Variants in MLIP observed in about 807,000 individuals in gnomAD.
MLIP encodes the protein muscular LMNA-interacting protein.
In MLIP, 79 loss-of-function variants were observed where a neutral mutation model predicts 84.8. That is an observed-to-expected ratio of 0.93 (90% CI 0.78 to 1.12). MLIP has a LOEUF of 1.12. Ranked by LOEUF, MLIP falls within the 50% of genes most tolerant of loss-of-function variation. The pLI, the probability that MLIP is intolerant of heterozygous loss-of-function variation, is 0.00. For missense variants in MLIP, 1,257 were observed against 1,160.6 expected, an observed-to-expected ratio of 1.08 and a Z score of -1.21; for synonymous variants, 504 against 463.0, an observed-to-expected ratio of 1.09 and a Z score of -1.14.
At position 54,253,397 on chromosome 6, in the gene MLIP, G is replaced by A. The variant is rs185489154; in HGVS notation, c.2923-3911G>A. ...AATCCTAAAGAAGTGAATTCTGGATGGAATGTATGGCACCCATGGTGATTT... is the reference window on the plus strand; with the variant it reads ...AATCCTAAAGAAGTGAATTCTGGATAGAATGTATGGCACCCATGGTGATTT... On this transcript the variant is annotated intron_variant, in intron 12 of 13. Transcript: ENST00000502396. Among the ~76,000 whole-genome samples the A allele has an allele frequency of 1.1e-4, 17 of 152,198 alleles. 1 individual carries two copies. The highest frequency in any genetic ancestry group is 6.8e-3 in the Middle Eastern group (2 of 294).
chr6:54,174,571 CTT>C (rs973107536), intron 9 of MLIP, among the ~76,000 whole-genome samples: 1 of 151,896 alleles, frequency 6.6e-6, no homozygotes, highest in Admixed American at 6.6e-5. Context: ...CTATTGAAAT[CTT>C]TTGCCGATTT....
intron 13 of MLIP, among the ~76,000 whole-genome samples, chr6:54,264,523 G>T (rs1783577065): frequency 6.6e-6 from 1 of 152,084 alleles, no homozygotes; most frequent in African/African-American, 2.4e-5. Context: ...GGAATCAAAT[G>T]ATCGTGAAGG....
chr6:54,184,176 A>G (rs1164752594), intron 9 of MLIP, among the ~76,000 whole-genome samples: 2 of 152,170 alleles, frequency 1.3e-5, no homozygotes, highest in Non-Finnish European at 2.9e-5. Context: ...ATCATGGATT[A>G]GAGCTCTTGA....
chr6:54,222,745 A>T (rs1330867866), intron 11 of MLIP, among the ~76,000 whole-genome samples: 5 of 151,996 alleles, frequency 3.3e-5, no homozygotes, highest in Non-Finnish European at 2.9e-5. Flanking sequence ...CAGAAGTGGG[A>T]TCGATGCATT....
chr6:54,241,989 A>G (rs1370825126), intron 12 of MLIP, among the ~76,000 whole-genome samples: 3 of 152,238 alleles, frequency 2.0e-5, no homozygotes, highest in African/African-American at 7.2e-5. Flanking sequence ...TCTGAATGAG[A>G]AATACACATA....
intron 8 of MLIP, among the ~76,000 whole-genome samples, chr6:54,166,427 AG>A (rs1775197979): frequency 6.6e-6 from 1 of 151,790 alleles, no homozygotes; most frequent in Non-Finnish European, 1.5e-5. Context: ...CCTTTTTCCA[AG>A]GTTCCTGAAG....
intron 10 of MLIP, among the ~76,000 whole-genome samples, chr6:54,196,496 C>A (rs1349858653): frequency 6.6e-6 from 1 of 152,048 alleles, no homozygotes; most frequent in East Asian, 1.9e-4. Flanking sequence ...CCATTCATGT[C>A]CCTGCAAATG....
chr6:54,049,634 C>T (rs1582031835), intron 1 of MLIP, among the ~76,000 whole-genome samples: 1 of 152,044 alleles, frequency 6.6e-6, no homozygotes, highest in African/African-American at 2.4e-5. Flanking sequence ...GCTTTCTTAC[C>T]CTACAAGATG....
Position 54,124,578 on chromosome 6 carries a change from A to G in MLIP, c.358A>G (p.Arg120Gly). The stretch of plus-strand genomic sequence containing the variant: ...GGTCAGTGGAACGATTTTACAAGAA[A>G]GGGAATTCGAAGCAAACAAACTTCA... ...SEVSGTILQE[R>G]EFEANKLQGM... Residue 120 changes from arginine to glycine, a missense_variant, in exon 3 of 14, where the codon AGG becomes GGG. By Grantham distance (125) the Arg-to-Gly change is moderately radical. Coordinates refer to ENST00000502396, the MANE Select transcript of MLIP (RefSeq NM_001281747.2). 1 of 1,614,234 alleles carries G rather than the reference A, an allele frequency of 6.2e-7. No homozygotes were observed. Among genetic ancestry groups the G allele is most frequent in the Non-Finnish European group, 8.5e-7 (1 of 1,180,034 alleles).
intron 12 of MLIP, among the ~76,000 whole-genome samples, chr6:54,240,615 T>C (rs1271466521): frequency 1.3e-5 from 2 of 152,216 alleles, no homozygotes; most frequent in Non-Finnish European, 2.9e-5. Context: ...TAGTTCGGTT[T>C]CAAAACCCTA....
At chr6:54,107,993 A>T (rs1350301759), upstream of MLIP, among the ~76,000 whole-genome samples, 2 of 8,246 alleles carry the variant, frequency 2.4e-4, no homozygotes, top group Non-Finnish European at 0.018. Flanking sequence ...TTCCCATGTC[A>T]GGAAGAGGAT....
At chr6:54,141,686 G>C (rs1293472851) in intron 4 of MLIP, among the ~76,000 whole-genome samples, 4 of 152,038 alleles carry the variant, frequency 2.6e-5, no homozygotes, top group Non-Finnish European at 5.9e-5. Context: ...TTCACCCATG[G>C]AGTTGTGTCT....
intron 11 of MLIP, among the ~76,000 whole-genome samples, chr6:54,210,254 T>G (rs1779349673): frequency 6.6e-6 from 1 of 152,078 alleles, no homozygotes; most frequent in African/African-American, 2.4e-5. Flanking sequence ...GACTTTGAAT[T>G]GTTTACAGTG....
rs1582065388 is a variant in MLIP at position 54,066,877 on chromosome 6, A to G, written c.63+47786A>G. 2.0e-5 allele frequency among the ~76,000 whole-genome samples: 2 copies of G among 99,676 alleles called. 1 individual carries two copies. The highest frequency in any genetic ancestry group is 5.4e-4 in the East Asian group (2 of 3,738). The allele number at this position is 99,676 out of a possible 152,430, so 65.4% of individuals were successfully genotyped here. ...AATACTAACTAGGAAGTGATGTTTT[A>G]TCCAAAAAAAATGGGAGTCAATTAA... On this transcript the variant is annotated intron_variant, in intron 1 of 12. Transcript: ENST00000274897.
At chr6:54,148,610 G>T (rs970779068) in intron 4 of MLIP, among the ~76,000 whole-genome samples, 2 of 152,090 alleles carry the variant, frequency 1.3e-5, no homozygotes, top group Non-Finnish European at 2.9e-5. Flanking sequence ...TACGGATGAT[G>T]CAAGAAAATG....
intron 13 of MLIP, among the ~76,000 whole-genome samples, chr6:54,260,840 G>A (rs952934906): frequency 5.9e-5 from 9 of 151,912 alleles, no homozygotes; most frequent in African/African-American, 2.2e-4. Context: ...TTAGGATGGG[G>A]CTGGCATAGC....
chr6:54,146,503 A>AGG (rs1412455890), intron 4 of MLIP, among the ~76,000 whole-genome samples: 1 of 152,170 alleles, frequency 6.6e-6, no homozygotes, highest in South Asian at 2.1e-4. Context: ...TGATTTCAAG[A>AGG]GGGGGGAAAT....
At chr6:54,044,785 C>G (rs939374761) in intron 1 of MLIP, among the ~76,000 whole-genome samples, 1 of 152,016 alleles carries the variant, frequency 6.6e-6, no homozygotes, top group Admixed American at 6.6e-5. Flanking sequence ...AAAGAAATAG[C>G]AAGGGCCGAT....
chr6:54,216,115 CT>C lies in MLIP; in HGVS notation c.2718+13883del, dbSNP rs756895662. On this transcript the variant is annotated intron_variant, in intron 11 of 13. Coordinates refer to ENST00000502396, the MANE Select transcript of MLIP (RefSeq NM_001281747.2). ...CCATATCTAATTGTTAAGAATGATA[CT>C]GCAATGGTTGAATGAAATACTCACT... is the stretch of plus-strand genomic sequence containing the variant. The C allele has an allele frequency of 3.5e-4, 342 of 975,078 alleles. 1 individual carries two copies. The highest frequency in any genetic ancestry group is 4.0e-4 in the Non-Finnish European group (325 of 820,704). The allele number at this position is 975,078 out of a possible 1,614,324, so 60.4% of individuals were successfully genotyped here.
Sources: gnomAD v4.1 joint callset for allele counts (sites outside exome capture counted in the v4.1 genomes callset) on GRCh38, gnomAD v4.1.1 for gene constraint, MANE v1.5 for transcripts, NCBI Gene and HGNC (gene_info 2026-07-23, HGNC 2026-07-21) for gene names.